Variants in FSTL5 observed in about 807,000 individuals in gnomAD.
FSTL5 encodes follistatin like 5, also known as follistatin-related protein 5.
A neutral mutation model predicts 89.1 loss-of-function variants in FSTL5; 62 were observed. That is an observed-to-expected ratio of 0.70 (90% CI 0.57 to 0.86). The LOEUF is 0.86. FSTL5 is among the 40% of genes least tolerant of loss of function. The pLI, the probability that FSTL5 is intolerant of heterozygous loss-of-function variation, is 0.00. For synonymous variants in FSTL5, 383 were observed against 346.2 expected, an observed-to-expected ratio of 1.11 and a Z score of -1.18; for missense variants, 1,057 against 1,001.6, an observed-to-expected ratio of 1.06 and a Z score of -0.75.
rs939920875 is a variant in FSTL5, at chr4:161,517,413, T to A, written c.1313-6989A>T. On this transcript the variant is annotated intron_variant, in intron 10 of 15. Transcript: ENST00000306100. ...TTCACTACATAACTGAAATGTAAAA[T>A]TTTTTTTGAAGATAATATACACCTT... is the stretch of plus-strand genomic sequence containing the variant. 2.0e-5 allele frequency among the ~76,000 whole-genome samples: 3 copies of A among 152,052 alleles called. No homozygotes were observed. The East Asian group carries it at 5.8e-4, about 29-fold the overall frequency.
At chr4:162,162,238 A>G (rs1363844075) in intron 1 of FSTL5, among the ~76,000 whole-genome samples, 2 of 152,272 alleles carry the variant, frequency 1.3e-5, no homozygotes, top group South Asian at 2.1e-4. Flanking sequence ...TCATCCTAGT[A>G]ACTCTAATGC....
At chr4:161,566,133 T>TAC (rs1191031533) in intron 8 of FSTL5, among the ~76,000 whole-genome samples, 44 of 75,084 alleles carry the variant, frequency 5.9e-4, no homozygotes, top group African/African-American at 8.1e-4. Flanking sequence ...TATATATATA[T>TAC]ATACACACAC....
At chr4:162,156,819 C>A (rs1245478130) in intron 1 of FSTL5, among the ~76,000 whole-genome samples, 5 of 152,098 alleles carry the variant, frequency 3.3e-5, no homozygotes, top group Non-Finnish European at 5.9e-5. Flanking sequence ...GTGGTGGGAT[C>A]ACTCATACCC....
chr4:161,465,093 A>G (rs1396056619), intron 13 of FSTL5, among the ~76,000 whole-genome samples: 2 of 152,154 alleles, frequency 1.3e-5, no homozygotes, highest in African/African-American at 2.4e-5. Flanking sequence ...AAGACACTAG[A>G]GTTCACTATA....
At chr4:161,621,459 A>G (rs898303798) in intron 7 of FSTL5, among the ~76,000 whole-genome samples, 3 of 152,194 alleles carry the variant, frequency 2.0e-5, no homozygotes, top group Non-Finnish European at 2.9e-5. Context: ...AGCAAGAGAA[A>G]TTTAACTTAA....
intron 6 of FSTL5, among the ~76,000 whole-genome samples, chr4:161,730,162 TC>T (rs1322913296): frequency 6.6e-6 from 1 of 152,142 alleles, no homozygotes; most frequent in Admixed American, 6.6e-5. Context: ...TCAACTCTTC[TC>T]TGTGTGTATT....
chr4:161,996,054 C>A (rs1293977001), intron 3 of FSTL5, among the ~76,000 whole-genome samples: 1 of 152,132 alleles, frequency 6.6e-6, no homozygotes, highest in East Asian at 1.9e-4. Flanking sequence ...CCCAGACAAA[C>A]CAGAAAGGTA....
chr4:161,505,740 T>C (rs537524556), intron 11 of FSTL5, among the ~76,000 whole-genome samples: 28 of 152,222 alleles, frequency 1.8e-4, no homozygotes, highest in African/African-American at 6.3e-4. Context: ...TGTCATTATA[T>C]ACTTGTATGT....
intron 3 of FSTL5, among the ~76,000 whole-genome samples, chr4:162,019,866 A>G (rs1247388020): frequency 6.7e-6 from 1 of 149,942 alleles, no homozygotes; most frequent in Non-Finnish European, 1.5e-5. Context: ...AGAAGTATAT[A>G]TAAATATATA....
intron 4 of FSTL5, among the ~76,000 whole-genome samples, chr4:161,877,517 C>T (rs1327844376): frequency 1.3e-5 from 2 of 151,408 alleles, no homozygotes; most frequent in African/African-American, 4.8e-5. Context: ...AAAAAAACTT[C>T]AGTAATATTT....
chr4:161,979,998 C>T (rs1477969809), intron 3 of FSTL5, among the ~76,000 whole-genome samples: 2 of 145,672 alleles, frequency 1.4e-5, no homozygotes, highest in African/African-American at 2.6e-5. Context: ...CTAAAATTCT[C>T]GAATTATTTC....
chr4:161,943,174 A>G (rs1734638578), intron 3 of FSTL5, among the ~76,000 whole-genome samples: 1 of 152,076 alleles, frequency 6.6e-6, no homozygotes, highest in African/African-American at 2.4e-5. Flanking sequence ...TAAAAAAATC[A>G]AATTACCTAT....
At chr4:161,408,938 A>G (rs1396725829) in intron 15 of FSTL5, among the ~76,000 whole-genome samples, 1 of 152,238 alleles carries the variant, frequency 6.6e-6, no homozygotes, top group African/African-American at 2.4e-5. Flanking sequence ...CATATCCATG[A>G]CACATCAGCA....
chr4:161,432,450 C>T (rs1054057348), intron 15 of FSTL5, among the ~76,000 whole-genome samples: 12 of 151,710 alleles, frequency 7.9e-5, no homozygotes, highest in African/African-American at 1.9e-4. Context: ...CAATGTGAAC[C>T]GTACTAAGAG....
chr4:161,599,502 A>G (rs1022968015), intron 7 of FSTL5, among the ~76,000 whole-genome samples: 1 of 151,708 alleles, frequency 6.6e-6, no homozygotes, highest in Non-Finnish European at 1.5e-5. Context: ...ACCAAGTACA[A>G]CAGATTAATC....
chr4:161,476,622 G>A (rs1273841790), intron 13 of FSTL5, among the ~76,000 whole-genome samples: 1 of 152,024 alleles, frequency 6.6e-6, no homozygotes, highest in Non-Finnish European at 1.5e-5. Flanking sequence ...GGCACCAACT[G>A]GTCACTTTCT....
intron 7 of FSTL5, among the ~76,000 whole-genome samples, chr4:161,619,606 T>C (rs1322244222): frequency 2.0e-5 from 3 of 152,174 alleles, no homozygotes; most frequent in African/African-American, 4.8e-5. Context: ...CATCACTGGC[T>C]ATCAGAGAAC....
chr4:161,882,022 C>T (rs898597192), intron 4 of FSTL5, among the ~76,000 whole-genome samples: 2 of 151,994 alleles, frequency 1.3e-5, no homozygotes, highest in African/African-American at 2.4e-5. Context: ...CAGACTGTTT[C>T]CTTCTGATTA....
At chr4:162,108,867 C>T (rs1173998482) in intron 2 of FSTL5, among the ~76,000 whole-genome samples, 1 of 151,738 alleles carries the variant, frequency 6.6e-6, no homozygotes, top group Non-Finnish European at 1.5e-5. Context: ...ATTTGTTCGC[C>T]ATAATTTATT....
Sources: gnomAD v4.1 joint callset for allele counts (sites outside exome capture counted in the v4.1 genomes callset) on GRCh38, gnomAD v4.1.1 for gene constraint, MANE v1.5 for transcripts, NCBI Gene and HGNC (gene_info 2026-07-23, HGNC 2026-07-21) for gene names.